The following INSR variants were observed in gnomAD, a reference collection of about 807,000 sequenced individuals.
INSR encodes insulin receptor.
INSR carries 67 observed loss-of-function variants against 142.6 expected under a neutral mutation model. That is an observed-to-expected ratio of 0.47 (90% CI 0.39 to 0.58). The LOEUF is 0.58. Ranked by LOEUF, INSR falls within the 20% of genes least tolerant of loss-of-function variation. INSR has a pLI of 0.00. For synonymous variants in INSR, 756 were observed against 743.1 expected, an observed-to-expected ratio of 1.02 and a Z score of -0.28; for missense variants, 1,248 against 1,833.2, an observed-to-expected ratio of 0.68 and a Z score of 5.83.
At chr19:7,185,719 T>C (rs193183672) in intron 2 of INSR, among the ~76,000 whole-genome samples, 5 of 150,708 alleles carry the variant, frequency 3.3e-5, no homozygotes, top group Middle Eastern at 3.4e-3. Context: ...GGTGCATGCC[T>C]GTAATCCCAG....
Position 7,119,759 on chromosome 19 carries a change from T to TACACAA in INSR, c.3660-177_3660-176insTTGTGT, listed in dbSNP as rs752355444. Among the ~76,000 whole-genome samples the TACACAA allele has an allele frequency of 8.4e-6, 1 of 118,858 alleles. No individual in the cohort carries two copies. The highest frequency in any genetic ancestry group is 1.8e-5 in the Non-Finnish European group (1 of 56,846). 78.0% of individuals were successfully genotyped at this position (118,858 alleles called of 152,430 possible). On this transcript the variant is annotated intron_variant, in intron 20 of 21. Transcript: ENST00000302850. The surrounding 1 kb of genome is among the most constrained non-coding windows in gnomAD (Gnocchi z 5.2). ...ACATACACGTGCACACACATGCAAA[T>TACACAA]ACACACAAACACGCATGCGCACACA...
At chr19:7,137,947 T>C (rs1972976224) in intron 13 of INSR, among the ~76,000 whole-genome samples, 1 of 150,414 alleles carries the variant, frequency 6.6e-6, no homozygotes, top group Non-Finnish European at 1.5e-5. Flanking sequence ...GGGATTCCTT[T>C]TTCTTCTTTT....
In INSR at chr19:7,267,510, T is replaced by C; in HGVS notation, c.487A>G (p.Ile163Val). 3 of 1,614,180 alleles carry C rather than the reference T, an allele frequency of 1.9e-6. No homozygotes were observed. The highest frequency in any genetic ancestry group is 3.3e-4 in the Middle Eastern group (2 of 6,062). ...TAATTATCCTCCACGGAATCCAGGA[T>C]ACGGGACCAGTCGATAGTGGCCAAG... ...CYLATIDWSR[I>V]LDSVEDNYIV... The change falls in exon 2 of 22, where the codon ATC becomes GTC. Residue 163 changes from isoleucine (I) to valine (V), a missense_variant. By Grantham distance (29) the Ile-to-Val change is conservative. Transcript: ENST00000302850. The surrounding 1 kb of genome is among the most constrained non-coding windows in gnomAD (Gnocchi z 6.3).
intron 14 of INSR, among the ~76,000 whole-genome samples, chr19:7,129,288 C>T (rs922873100): frequency 6.6e-6 from 1 of 152,014 alleles, no homozygotes; most frequent in Non-Finnish European, 1.5e-5. Context: ...TCTGCTGTTG[C>T]CCCTCTGAAA....
At chr19:7,190,370 T>G (rs78682849) in intron 2 of INSR, among the ~76,000 whole-genome samples, 34 of 18,192 alleles carry the variant, frequency 1.9e-3, no homozygotes, top group African/African-American at 7.0e-3. Flanking sequence ...TCTTTGGTGG[T>G]TTTTTTTTTT....
intron 2 of INSR, among the ~76,000 whole-genome samples, chr19:7,242,837 T>C (rs1976400793): frequency 6.8e-6 from 1 of 147,376 alleles, no homozygotes; most frequent in African/African-American, 2.5e-5. Flanking sequence ...TATTTATAAA[T>C]GAAAATTTTG....
intron 2 of INSR, among the ~76,000 whole-genome samples, chr19:7,249,195 C>T (rs991172446): frequency 6.6e-6 from 1 of 152,098 alleles, no homozygotes; most frequent in African/African-American, 2.4e-5. Flanking sequence ...CCCTGGGAAC[C>T]TCTTTCCTTT....
intron 2 of INSR, among the ~76,000 whole-genome samples, chr19:7,259,290 T>TC (rs79741796): frequency 0.017 from 2,528 of 151,768 alleles, 123 homozygotes; most frequent in East Asian, 0.15. Context: ...TGAGCCAGAA[T>TC]CCCCAGCTTC....
intron 2 of INSR, among the ~76,000 whole-genome samples, chr19:7,203,892 T>C (rs988562552): frequency 2.0e-5 from 3 of 152,224 alleles, no homozygotes; most frequent in Non-Finnish European, 4.4e-5. Flanking sequence ...TTATATTTTA[T>C]TTTATTTCAG....
In INSR at chr19:7,193,956, G is replaced by A. The variant is rs535400760; in HGVS notation, c.653-9319C>T. Among the ~76,000 whole-genome samples the A allele has an allele frequency of 1.0e-4, 8 of 76,196 alleles. 1 individual carries two copies. In the South Asian group the frequency reaches 3.2e-3, roughly 30 times the overall value. 50.0% of individuals were successfully genotyped at this position (76,196 alleles called of 152,430 possible). On this transcript the variant is annotated intron_variant, in intron 2 of 21. Transcript: ENST00000302850. ...GGCTCAAGAGATCCGCTCTCCCCGA[G>A]CTCCCAAACTGGGCATAGGCGTAAG...
chr19:7,184,658 AGAGG>A, intron 2 of INSR, 21 bp from the exon 3 acceptor site: 4 of 1,361,840 alleles, frequency 2.9e-6, no homozygotes, highest in Admixed American at 2.0e-5. Flanking sequence ...AGAGAGAGAG[AGAGG>A]GAAATAAATA....
At position 7,149,932 on chromosome 19, in the gene INSR, AGAAAGAAGGAAGGAAGGAAG is replaced by A. The variant is rs1255279000; in HGVS notation, c.2267+545_2267+564del. On this transcript the variant is annotated intron_variant, in intron 11 of 21. Coordinates refer to ENST00000302850, the MANE Select transcript of INSR (RefSeq NM_000208.4). The stretch of plus-strand genomic sequence containing the variant: ...AGGAAAGAAAGAAAGAAGGAAAAAA[AGAAAGAAGGAAGGAAGGAAG>A]GAAGGAAGGAAGGAAGGAAGGAAGG... Among the ~76,000 whole-genome samples, 22 of 136,296 alleles carry A rather than the reference AGAAAGAAGGAAGGAAGGAAG, an allele frequency of 1.6e-4. 1 individual carries two copies. In the East Asian group the frequency reaches 3.0e-3, roughly 18 times the overall value. 89.4% of individuals were successfully genotyped at this position (136,296 alleles called of 152,430 possible).
chr19:7,280,406 G>A (rs1226346980), intron 1 of INSR, among the ~76,000 whole-genome samples: 3 of 151,692 alleles, frequency 2.0e-5, no homozygotes, highest in African/African-American at 2.4e-5. Flanking sequence ...TTTGAGACCC[G>A]TCTCTACCAA....
At chr19:7,139,564 A>G (rs923419117) in intron 13 of INSR, among the ~76,000 whole-genome samples, 1 of 152,214 alleles carries the variant, frequency 6.6e-6, no homozygotes, top group Non-Finnish European at 1.5e-5. Context: ...GTTTCTGCCA[A>G]TTAAAAACTA....
intron 2 of INSR, among the ~76,000 whole-genome samples, chr19:7,247,935 G>C (rs757525632): frequency 2.0e-5 from 3 of 152,120 alleles, no homozygotes; most frequent in Non-Finnish European, 4.4e-5. Context: ...ATGTGGCTGT[G>C]GCTGGCAGAG....
chr19:7,217,618 G>C (rs1289306435), intron 2 of INSR, among the ~76,000 whole-genome samples: 1 of 152,134 alleles, frequency 6.6e-6, no homozygotes, highest in Non-Finnish European at 1.5e-5. Context: ...GAGTGCAGTG[G>C]GCACGATCTT....
At position 7,168,033 on chromosome 19, in the gene INSR, T is replaced by C; in HGVS notation, c.1545A>G (p.Arg515=). The change falls in exon 7 of 22, where the codon AGA becomes AGG. Residue 515 remains arginine, a synonymous_variant. Coordinates refer to ENST00000302850, the MANE Select transcript of INSR (RefSeq NM_000208.4). This position sits in a 1 kb window ranked among gnomAD's most constrained non-coding sequence, Gnocchi z 4.3. ...AGTCGGGGGGCCAGTACGGCTCCCA[T>C]CTCAGCAAGATCTTGTCAAAAGATG... ...IRTSFDKILL[R]WEPYWPPDFR... is the part of the protein sequence containing the mutation. 2 of 1,613,988 alleles carry C rather than the reference T, an allele frequency of 1.2e-6. No individual in the cohort carries two copies. The highest frequency in any genetic ancestry group is 2.2e-5 in the East Asian group (1 of 44,884).
In INSR at chr19:7,168,233, T is replaced by C; in HGVS notation, c.1484-139A>G. 4 of 857,520 alleles carry C rather than the reference T, an allele frequency of 4.7e-6. No individual in the cohort carries two copies. Among genetic ancestry groups the C allele is most frequent in the Admixed American group, 4.5e-5 (2 of 44,414 alleles). 53.1% of individuals were successfully genotyped at this position (857,520 alleles called of 1,614,324 possible). A position where few individuals can be genotyped will look rare whatever the true frequency, so the allele number is the denominator to read the frequency against. ...TATTCCCTTAAGGGTCTCCTCCCCA[T>C]GTGCCTGGCTGAGTATGAATGGGGG... On this transcript the variant is annotated intron_variant, in intron 6 of 21. Transcript: ENST00000302850. The surrounding 1 kb of genome is among the most constrained non-coding windows in gnomAD (Gnocchi z 4.3).
intron 9 of INSR, among the ~76,000 whole-genome samples, chr19:7,158,283 G>A (rs1010549658): frequency 7.9e-5 from 12 of 151,920 alleles, no homozygotes; most frequent in South Asian, 4.2e-4. Context: ...GGCAGATCAC[G>A]AGGTCAGGAG....
Sources: allele counts gnomAD v4.1 joint callset (sites outside exome capture counted in the v4.1 genomes callset), GRCh38; gene constraint gnomAD v4.1.1; non-coding constraint Gnocchi (gnomAD v3.1); transcripts MANE v1.5; gene names NCBI Gene and HGNC (gene_info 2026-07-23, HGNC 2026-07-21).